ANK2: variants seen among roughly 807,000 people sequenced by gnomAD.
ANK2 encodes the protein ankyrin-2.
Under a neutral mutation model 360.5 loss-of-function variants are expected in ANK2, and 83 were observed. The ratio of observed to expected loss-of-function variants is 0.23; its 90% confidence interval spans 0.19 to 0.28. The LOEUF (loss-of-function observed/expected upper bound fraction) is 0.28. Among genes scored for constraint, ANK2 ranks in the 10% least tolerant of loss-of-function variants. ANK2 has a pLI of 1.00. For synonymous variants in ANK2, 1,740 were observed against 1,759.5 expected (o/e 0.99, Z 0.28); for missense variants, 4,201 against 4,795.7 (o/e 0.88, Z 3.66).
chr4:112,820,153 CA>C (rs1489335073), intron 1 of ANK2, among the ~76,000 whole-genome samples: 5 of 152,168 alleles, frequency 3.3e-5, no homozygotes, highest in Admixed American at 6.5e-5. Context: ...TCCATTTTTC[CA>C]TCTCACTCAC....
chr4:112,772,355 C>T, the ANK2 span, among the ~76,000 whole-genome samples: 2 of 152,040 alleles, frequency 1.3e-5, no homozygotes, highest in African/African-American at 2.4e-5. Flanking sequence ...TGGGAGAAAC[C>T]GCCCTCATGA....
upstream of ANK2, among the ~76,000 whole-genome samples, chr4:113,048,925 C>T (rs1164169915): frequency 4.6e-5 from 3 of 65,864 alleles, no homozygotes; most frequent in African/African-American, 1.4e-4. Flanking sequence ...CAGACACACA[C>T]ACACACACAC....
At chr4:113,006,113 A>T (rs768222754) in intron 2 of ANK2, among the ~76,000 whole-genome samples, 3 of 152,152 alleles carry the variant, frequency 2.0e-5, no homozygotes, top group Non-Finnish European at 4.4e-5. Context: ...ACATAGGGAG[A>T]CTATTCTTCA....
the ANK2 span, among the ~76,000 whole-genome samples, chr4:112,724,311 G>A: frequency 6.6e-6 from 1 of 151,752 alleles, no homozygotes; most frequent in Non-Finnish European, 1.5e-5. Context: ...GTGATCCGCC[G>A]CCCTCGGCCT....
At chr4:113,249,261 T>C (rs1268139021) in intron 9 of ANK2, among the ~76,000 whole-genome samples, 4 of 152,238 alleles carry the variant, frequency 2.6e-5, no homozygotes, top group Admixed American at 2.6e-4. Context: ...TTTTAGAATT[T>C]ATGAAAGTGA....
chr4:112,890,851 G>A (rs2079822879), intron 1 of ANK2, among the ~76,000 whole-genome samples: 1 of 152,130 alleles, frequency 6.6e-6, no homozygotes, highest in Admixed American at 6.5e-5. Context: ...ACAGGCGTGA[G>A]CCACTACGCC....
At chr4:112,996,699 G>C (rs1225119428) in intron 2 of ANK2, among the ~76,000 whole-genome samples, 2 of 151,960 alleles carry the variant, frequency 1.3e-5, no homozygotes, top group African/African-American at 4.8e-5. Context: ...TGAAGAATGA[G>C]GTATCCATCC....
At chr4:112,843,402 T>G (rs2062594802) in intron 1 of ANK2, among the ~76,000 whole-genome samples, 1 of 152,242 alleles carries the variant, frequency 6.6e-6, no homozygotes, top group Admixed American at 6.5e-5. Context: ...AACAGTGGTA[T>G]GAAGAGGCTG....
intron 2 of ANK2, among the ~76,000 whole-genome samples, chr4:112,968,993 G>C (rs1017175954): frequency 6.6e-6 from 1 of 152,178 alleles, no homozygotes; most frequent in East Asian, 1.9e-4. Flanking sequence ...GAATTATTCA[G>C]CTAGCCCTGT....
At chr4:113,049,417 T>C (rs755113781), upstream of ANK2, among the ~76,000 whole-genome samples, 5 of 152,082 alleles carry the variant, frequency 3.3e-5, no homozygotes, top group African/African-American at 4.8e-5. Context: ...GCTGATCCTA[T>C]CAAGGGTGTG....
intron 43 of ANK2, chr4:113,372,595 C>A: frequency 6.5e-7 from 1 of 1,535,854 alleles, no homozygotes; most frequent in Non-Finnish European, 8.7e-7. Flanking sequence ...TGGTAACTAC[C>A]AGGGTTGTCC....
chr4:113,097,079 A>C (rs76547067), intron 1 of ANK2, among the ~76,000 whole-genome samples: 3,796 of 66,504 alleles, frequency 0.057, 242 homozygotes, highest in East Asian at 0.28. Flanking sequence ...TGTCATTTAC[A>C]GAGTTGTCCA....
chr4:112,855,765 A>G lies in ANK2; in HGVS notation c.-40+37501A>G, dbSNP rs561895698. 4.1e-4 allele frequency among the ~76,000 whole-genome samples: 63 copies of G among 152,326 alleles called. 1 individual carries two copies. The highest frequency in any genetic ancestry group is 1.4e-3 in the African/African-American group (58 of 41,568). ...ACAGAGCCAGTGTTCAGAATCAGGC[A>G]GGCTCACTCCAGAGTCCATGTCTGG... is the stretch of plus-strand genomic sequence containing the variant. On this transcript the variant is annotated intron_variant, in intron 1 of 30. Coordinates refer to the ANK2 transcript ENST00000503271.
chr4:113,262,091 T>G (rs927928044), intron 13 of ANK2, among the ~76,000 whole-genome samples: 1 of 152,146 alleles, frequency 6.6e-6, no homozygotes, highest in African/African-American at 2.4e-5. Flanking sequence ...AAATTTGTCA[T>G]TACATAGGAA....
chr4:112,814,645 G>A (rs960532295), upstream of ANK2, among the ~76,000 whole-genome samples: 4 of 151,828 alleles, frequency 2.6e-5, no homozygotes, highest in African/African-American at 7.3e-5. Flanking sequence ...ATGGGGTTTC[G>A]CCATGTTGCT....
intron 45 of ANK2, chr4:113,374,642 G>A: frequency 5.3e-6 from 3 of 563,934 alleles, no homozygotes; most frequent in Non-Finnish European, 6.9e-6. Context: ...TCCCATTGCT[G>A]TTTTCTGGAA....
intron 2 of ANK2, among the ~76,000 whole-genome samples, chr4:113,003,833 T>A (rs1360074125): frequency 6.6e-6 from 1 of 152,262 alleles, no homozygotes; most frequent in Non-Finnish European, 1.5e-5. Context: ...GATGGTATAT[T>A]GCCTACAACA....
At chr4:112,850,359 A>T (rs2064493445) in intron 1 of ANK2, among the ~76,000 whole-genome samples, 1 of 141,202 alleles carries the variant, frequency 7.1e-6, no homozygotes, top group Non-Finnish European at 1.5e-5. Context: ...CCATCCATCC[A>T]CCCATTCATC....
intron 2 of ANK2, among the ~76,000 whole-genome samples, chr4:112,931,921 G>C (rs1358981998): frequency 6.6e-6 from 1 of 152,114 alleles, no homozygotes; most frequent in Non-Finnish European, 1.5e-5. Flanking sequence ...ATTGAGAATT[G>C]CTGTTTAATA....
Sources: gnomAD v4.1 joint callset for allele counts (sites outside exome capture counted in the v4.1 genomes callset) on GRCh38, gnomAD v4.1.1 for gene constraint, MANE v1.5 for transcripts, NCBI Gene and HGNC (gene_info 2026-07-23, HGNC 2026-07-21) for gene names.